The following PTPRN2 variants were observed in gnomAD, a reference collection of about 807,000 sequenced individuals.
PTPRN2 encodes protein tyrosine phosphatase receptor type N2, also known as receptor-type tyrosine-protein phosphatase N2.
Under a neutral mutation model 118.8 loss-of-function variants are expected in PTPRN2, and 74 were observed. The ratio of observed to expected loss-of-function variants is 0.62; its 90% CI spans 0.52 to 0.76. The LOEUF (loss-of-function observed/expected upper bound fraction) is 0.76, where lower values mean the gene tolerates loss of function less well. Ranked by LOEUF, PTPRN2 falls within the 30% of genes least tolerant of loss-of-function variation. The pLI is 0.00. For missense variants in PTPRN2, 1,481 were observed against 1,394.4 expected (o/e 1.06, Z -0.99); for synonymous variants, 641 against 608.0 (o/e 1.05, Z -0.80).
intron 11 of PTPRN2, among the ~76,000 whole-genome samples, chr7:157,954,537 GGTGT>G (rs1227561204): frequency 2.2e-5 from 3 of 134,776 alleles, no homozygotes; most frequent in African/African-American, 8.6e-5. Context: ...TGTGCTGTGT[GGTGT>G]GTGTAGTCTC....
At chr7:158,214,747 C>T (rs921345584) in intron 3 of PTPRN2, among the ~76,000 whole-genome samples, 1 of 152,102 alleles carries the variant, frequency 6.6e-6, no homozygotes, top group Admixed American at 6.6e-5. Context: ...TTGAAACTCC[C>T]ACCCCTCTCC....
intron 5 of PTPRN2, among the ~76,000 whole-genome samples, chr7:158,190,174 A>G: frequency 6.6e-6 from 1 of 152,018 alleles, no homozygotes; most frequent in East Asian, 1.9e-4. Context: ...CTCTCATGAC[A>G]CCTCCAGGGC....
Position 158,525,731 on chromosome 7 carries a change from G to C in PTPRN2, c.113-35946C>G, listed in dbSNP as rs188518347. Among the ~76,000 whole-genome samples the C allele has an allele frequency of 1.3e-5, 2 of 152,322 alleles. No homozygotes were observed. Among genetic ancestry groups the C allele is most frequent in the Admixed American group, 6.5e-5 (1 of 15,296 alleles). ...CATTCCCAAGCAGCCCTCGGGGGCAGATGCCCCCATCTCCCAGGACATCTC... is the reference window on the plus strand; with the variant it reads ...CATTCCCAAGCAGCCCTCGGGGGCACATGCCCCCATCTCCCAGGACATCTC... On this transcript the variant is annotated intron_variant, in intron 1 of 22. Coordinates refer to ENST00000389418, the MANE Select transcript of PTPRN2 (RefSeq NM_002847.5). This position sits in a 1 kb window ranked among gnomAD's most constrained non-coding sequence, Gnocchi z 4.1.
At chr7:158,387,578 G>GGGTC (rs1563230352) in intron 2 of PTPRN2, among the ~76,000 whole-genome samples, 417 of 15,528 alleles carry the variant, frequency 0.027, no homozygotes, top group Middle Eastern at 0.071. Flanking sequence ...TGTCAGCTCA[G>GGGTC]CTTGGCCCGG....
At chr7:158,431,242 C>G (rs1816149265) in intron 2 of PTPRN2, among the ~76,000 whole-genome samples, 1 of 150,386 alleles carries the variant, frequency 6.6e-6, no homozygotes, top group South Asian at 2.1e-4. Flanking sequence ...ACACTGGGCT[C>G]ACACTGGCTC....
At chr7:158,548,656 T>G (rs1047866478) in intron 1 of PTPRN2, among the ~76,000 whole-genome samples, 4 of 152,186 alleles carry the variant, frequency 2.6e-5, no homozygotes, top group Admixed American at 6.5e-5. Flanking sequence ...ATGATAAAGG[T>G]GTTTTCTTCC....
At chr7:157,741,460 C>T (rs1034329863) in intron 12 of PTPRN2, among the ~76,000 whole-genome samples, 3 of 152,192 alleles carry the variant, frequency 2.0e-5, no homozygotes, top group East Asian at 1.9e-4. Context: ...ATCCCTTCCC[C>T]GTGTGTTTGC....
At chr7:157,695,408 A>G (rs1288467274) in intron 12 of PTPRN2, among the ~76,000 whole-genome samples, 2 of 152,268 alleles carry the variant, frequency 1.3e-5, no homozygotes. Flanking sequence ...GTACACAAAT[A>G]GTATTTAAAA....
chr7:158,149,065 C>G (rs1214157972), intron 6 of PTPRN2, among the ~76,000 whole-genome samples: 2 of 139,986 alleles, frequency 1.4e-5, no homozygotes, highest in South Asian at 2.3e-4. Flanking sequence ...TCTCATGCCA[C>G]GTGTCATTCC....
At chr7:158,469,807 G>A (rs906629691) in intron 2 of PTPRN2, among the ~76,000 whole-genome samples, 1 of 151,840 alleles carries the variant, frequency 6.6e-6, no homozygotes, top group Non-Finnish European at 1.5e-5. Context: ...AAAGAATTGG[G>A]AGCTGGGATC....
chr7:157,614,187 G>A (rs1398264092), intron 15 of PTPRN2: 2 of 456,200 alleles, frequency 4.4e-6, no homozygotes, highest in South Asian at 1.6e-5. Flanking sequence ...GTGGAGCTCA[G>A]GGCCAAGGCA....
chr7:157,698,839 T>C (rs1797935068), intron 12 of PTPRN2, among the ~76,000 whole-genome samples: 1 of 152,248 alleles, frequency 6.6e-6, no homozygotes, highest in Non-Finnish European at 1.5e-5. Context: ...AGTATATATA[T>C]TGTATTTTCA....
At chr7:157,876,140 T>A (rs1319084118) in intron 12 of PTPRN2, among the ~76,000 whole-genome samples, 1 of 152,178 alleles carries the variant, frequency 6.6e-6, no homozygotes, top group Non-Finnish European at 1.5e-5. Flanking sequence ...ACGCTCACCC[T>A]CCCTCCTCTC....
intron 2 of PTPRN2, among the ~76,000 whole-genome samples, chr7:158,318,215 C>T (rs1417182286): frequency 5.9e-5 from 9 of 152,192 alleles, no homozygotes; most frequent in Non-Finnish European, 1.0e-4. Flanking sequence ...GTGCCCGCTC[C>T]TTTGCCTTCC....
At chr7:157,860,499 A>G (rs541832133) in intron 12 of PTPRN2, among the ~76,000 whole-genome samples, 14 of 152,268 alleles carry the variant, frequency 9.2e-5, no homozygotes, top group Non-Finnish European at 1.8e-4. Context: ...ATTTGGAGGT[A>G]GTAATGAATT....
At chr7:158,534,016 C>A (rs564345248) in intron 1 of PTPRN2, among the ~76,000 whole-genome samples, 1 of 151,574 alleles carries the variant, frequency 6.6e-6, no homozygotes, top group Non-Finnish European at 1.5e-5. Flanking sequence ...ACCCACCCCC[C>A]GGGCTCCATC....
chr7:158,123,577 C>A (rs1006706863), intron 9 of PTPRN2, among the ~76,000 whole-genome samples: 1 of 152,330 alleles, frequency 6.6e-6, no homozygotes, highest in South Asian at 2.1e-4. Context: ...GTGTGCCGCA[C>A]CCAGGCCAAC....
chr7:158,233,264 A>G (rs899912481), intron 3 of PTPRN2, among the ~76,000 whole-genome samples: 2 of 152,226 alleles, frequency 1.3e-5, no homozygotes, highest in Non-Finnish European at 2.9e-5. Context: ...AGCAGCATTT[A>G]TATATGCCAA....
At chr7:158,018,896 G>T (rs1465711167) in intron 11 of PTPRN2, among the ~76,000 whole-genome samples, 2 of 147,140 alleles carry the variant, frequency 1.4e-5, no homozygotes, top group African/African-American at 5.0e-5. Flanking sequence ...AGGGGCAGAG[G>T]TTGCAGTGAG....
Sources: gnomAD v4.1 joint callset for allele counts (sites outside exome capture counted in the v4.1 genomes callset) on GRCh38, gnomAD v4.1.1 for gene constraint, Gnocchi (gnomAD v3.1) non-coding constraint, MANE v1.5 for transcripts, NCBI Gene and HGNC (gene_info 2026-07-23, HGNC 2026-07-21) for gene names.